DPP9: variants seen among roughly 807,000 people sequenced by gnomAD.
The protein encoded by DPP9 is dipeptidyl peptidase IV-related protein-2.
A neutral mutation model predicts 110.7 loss-of-function variants in DPP9; 50 were observed. The observed-to-expected ratio is 0.45, with a 90% CI of 0.36 to 0.57. The LOEUF (loss-of-function observed/expected upper bound fraction) is 0.57. Among genes scored for constraint, DPP9 ranks in the 20% least tolerant of loss-of-function variants. The pLI, the probability that DPP9 is intolerant of heterozygous loss-of-function variation, is 0.00. For synonymous variants in DPP9, 561 were observed against 514.4 expected, an observed-to-expected ratio of 1.09 and a Z score of -1.23; for missense variants, 1,022 against 1,217.9, an observed-to-expected ratio of 0.84 and a Z score of 2.39.
rs541918818 is a variant in DPP9 at position 4,705,227 on chromosome 19, A to G, written c.426+631T>C. Among the ~76,000 whole-genome samples, 52 of 152,214 alleles carry G rather than the reference A, an allele frequency of 3.4e-4. 2 individuals carry two copies. In the East Asian group the frequency reaches 9.4e-3, roughly 28 times the overall value. ...ATAATGTTATGTTATTTTTATTGCT[A>G]TATTGTTACTATTTTAGAGACTGGG... On this transcript the variant is annotated intron_variant, in intron 5 of 21. Coordinates refer to ENST00000262960, the MANE Select transcript of DPP9 (RefSeq NM_139159.5).
chr19:4,713,809 A>G (rs1056574524), intron 4 of DPP9, among the ~76,000 whole-genome samples: 2 of 152,154 alleles, frequency 1.3e-5, no homozygotes, highest in African/African-American at 2.4e-5. Context: ...GGCCGGCTTG[A>G]GCCACGGCAT....
Position 4,703,877 on chromosome 19 carries a change from T to C in DPP9, c.769+9A>G. ...TATGGTGGCCGTGCACAGGAGGGGC[T>C]GGCCCCACCTTGGTGGCAGAAGGTC... On this transcript the variant is annotated intron_variant, in intron 7 of 21. Transcript: ENST00000262960. The C allele has an allele frequency of 6.3e-7, 1 of 1,595,154 alleles. No individual in the cohort carries two copies. The highest frequency in any genetic ancestry group is 8.5e-7 in the Non-Finnish European group (1 of 1,171,622).
chr19:4,708,754 T>G (rs574582422), intron 4 of DPP9, among the ~76,000 whole-genome samples: 1 of 152,026 alleles, frequency 6.6e-6, no homozygotes, highest in South Asian at 2.1e-4. Flanking sequence ...CATGGACACA[T>G]AGAGCAGAAC....
chr19:4,699,554 G>A (rs948987482), intron 10 of DPP9, among the ~76,000 whole-genome samples: 1 of 152,150 alleles, frequency 6.6e-6, no homozygotes, highest in African/African-American at 2.4e-5. Context: ...GGAGGGGGCC[G>A]AGGGAGATGC....
rs73543636 is a variant in DPP9 at position 4,710,899 on chromosome 19, G to A, written c.313+3182C>T. On this transcript the variant is annotated intron_variant, in intron 4 of 21. Coordinates refer to ENST00000262960, the MANE Select transcript of DPP9 (RefSeq NM_139159.5). This position sits in a 1 kb window ranked among gnomAD's most constrained non-coding sequence, Gnocchi z 5.6. ...CTGCCAAGTTCATGCCCACTGGGGT[G>A]GGCCCTCAGCACCTCCTGTGTACTG... 3.9e-3 allele frequency among the ~76,000 whole-genome samples: 588 copies of A among 152,282 alleles called. 6 individuals are homozygous for A. Among genetic ancestry groups the A allele is most frequent in the African/African-American group, 0.013 (556 of 41,552 alleles).
chr19:4,701,469 A>AAAACAAAC (rs549165034), intron 9 of DPP9, among the ~76,000 whole-genome samples: 4 of 152,110 alleles, frequency 2.6e-5, no homozygotes, highest in African/African-American at 4.8e-5. Flanking sequence ...CCTTGTCTCA[A>AAAACAAAC]AAACAAACAA....
chr19:4,696,577 G>A (rs1399264176), intron 11 of DPP9, among the ~76,000 whole-genome samples: 1 of 151,992 alleles, frequency 6.6e-6, no homozygotes, highest in Non-Finnish European at 1.5e-5. Flanking sequence ...TGGCCAACAT[G>A]GTGAAACCCC....
Position 4,684,584 on chromosome 19 carries a change from C to T in DPP9, c.2178+79G>A, listed in dbSNP as rs1332159748. On this transcript the variant is annotated intron_variant, in intron 18 of 21. Transcript: ENST00000262960. This position sits in a 1 kb window ranked among gnomAD's most constrained non-coding sequence, Gnocchi z 4.8. The stretch of plus-strand genomic sequence containing the variant: ...CTGCGGGTGGTATTCCAGAGCCGCT[C>T]CCATGCCCTGCACCCACACGGCCCA... 1.5e-5 allele frequency: 24 copies of T among 1,554,602 alleles called. No individual in the cohort carries two copies. Among genetic ancestry groups the T allele is most frequent in the Non-Finnish European group, 2.0e-5 (23 of 1,144,388 alleles).
In DPP9 at chr19:4,694,091, T is replaced by C. The variant is rs548195021; in HGVS notation, c.1516+570A>G. Reference sequence around the variant, plus strand: ...CGCACATCACACCAGAGGCAGCACCTCTAACTGTTTCTGGAATACTGCCTC... The same window carrying C: ...CGCACATCACACCAGAGGCAGCACCCCTAACTGTTTCTGGAATACTGCCTC... On this transcript the variant is annotated intron_variant, in intron 13 of 21. Transcript: ENST00000262960. The surrounding 1 kb of genome is among the most constrained non-coding windows in gnomAD (Gnocchi z 4.0). Among the ~76,000 whole-genome samples, 42 of 151,096 alleles carry C rather than the reference T, an allele frequency of 2.8e-4. No homozygotes were observed. Among genetic ancestry groups the C allele is most frequent in the African/African-American group, 9.9e-4 (41 of 41,476 alleles).
At position 4,684,154 on chromosome 19, in the gene DPP9, T is replaced by C. The variant is rs1206281867; in HGVS notation, c.2178+509A>G. ...ATGTGAATGGGATGAGGGGCCCTTA[T>C]AAAAGGGCCTGATGGAGGGAGGCCA... is the stretch of plus-strand genomic sequence containing the variant. On this transcript the variant is annotated intron_variant, in intron 18 of 21. Coordinates refer to ENST00000262960, the MANE Select transcript of DPP9 (RefSeq NM_139159.5). This position sits in a 1 kb window ranked among gnomAD's most constrained non-coding sequence, Gnocchi z 4.8. The C allele has an allele frequency of 7.2e-6, 2 of 278,448 alleles. No individual in the cohort carries two copies. The highest frequency in any genetic ancestry group is 9.0e-5 in the East Asian group (1 of 11,130). 17.2% of individuals were successfully genotyped at this position (278,448 alleles called of 1,614,324 possible).
chr19:4,676,296 C>T lies in DPP9; in HGVS notation c.*268G>A. On this transcript the variant is annotated 3_prime_UTR_variant, in exon 22 of 22. Transcript: ENST00000262960. This position sits in a 1 kb window ranked among gnomAD's most constrained non-coding sequence, Gnocchi z 4.0. ...GCCCATCAGCGTGTGACCTCCTCCT[C>T]CCAGAAGGCGGGGAGAGGAGGGGCT... 9.9e-6 allele frequency: 5 copies of T among 504,074 alleles called. No homozygotes were observed. The highest frequency in any genetic ancestry group is 7.3e-5 in the East Asian group (2 of 27,568). 31.2% of individuals were successfully genotyped at this position (504,074 alleles called of 1,614,324 possible).
rs1460232598 is a variant in DPP9 at position 4,702,625 on chromosome 19, C to A, written c.861G>T (p.Trp287Cys). Residue 287 changes from tryptophan (W) to cysteine (C), a missense_variant, in exon 8 of 22, where the codon TGG (tryptophan) becomes TGT (cysteine). This residue lies in a region of DPP9 where 810 missense variants were observed against 920.6 expected (regional missense o/e 0.88). Transcript: ENST00000262960. ...EEFDRFTGYW[W>C]CPTASWEGSE... The stretch of plus-strand genomic sequence containing the variant: ...TACCTTCCCAGGAGGCTGTGGGGCA[C>A]CACCAGTACCCAGTGAAGCGGTCGA... The A allele has an allele frequency of 6.2e-7, 1 of 1,601,782 alleles. No homozygotes were observed.
chr19:4,682,916 C>T lies in DPP9; in HGVS notation c.2332-78G>A. 1 of 1,539,230 alleles carries T rather than the reference C, an allele frequency of 6.5e-7. No homozygotes were observed. Among genetic ancestry groups the T allele is most frequent in the African/African-American group, 1.4e-5 (1 of 73,160 alleles). On this transcript the variant is annotated intron_variant, in intron 19 of 21. Coordinates refer to ENST00000262960, the MANE Select transcript of DPP9 (RefSeq NM_139159.5). This position sits in a 1 kb window ranked among gnomAD's most constrained non-coding sequence, Gnocchi z 7.1. ...CGGGTCCTACAGCCAGCATCAGCCG[C>T]TGTCCCGGGGCCGCCCTGGAGCCCG...
chr19:4,689,037 G>T lies in DPP9; in HGVS notation c.1750-145C>A. The stretch of plus-strand genomic sequence containing the variant: ...GTCATGAAACCTCAAAGCTCCACCC[G>T]CTGCTGCAAGGGGGGCACCACTGCC... On this transcript the variant is annotated intron_variant, in intron 15 of 21. Transcript: ENST00000262960. The surrounding 1 kb of genome is among the most constrained non-coding windows in gnomAD (Gnocchi z 7.0). 1.1e-6 allele frequency: 1 copy of T among 932,558 alleles called. No homozygotes were observed. The highest frequency in any genetic ancestry group is 1.4e-6 in the Non-Finnish European group (1 of 728,646). The allele number at this position is 932,558 out of a possible 1,614,324, so 57.8% of individuals were successfully genotyped here.
At chr19:4,690,850 G>A in intron 14 of DPP9, 28 bp downstream of exon 14, 1 of 1,587,262 alleles carries the variant, frequency 6.3e-7, no homozygotes, top group Non-Finnish European at 8.6e-7. Context: ...GCATGGAGCA[G>A]GGGAAGGCTG....
chr19:4,689,477 G>T lies in DPP9; in HGVS notation c.1749+93C>A. ...TATGAGAATGCGAGACCATGAGAATGACCCTGAGTGCTGTGCCGGGCCATG... is the reference window on the plus strand; with the variant it reads ...TATGAGAATGCGAGACCATGAGAATTACCCTGAGTGCTGTGCCGGGCCATG... On this transcript the variant is annotated intron_variant, in intron 15 of 21. Coordinates refer to ENST00000262960, the MANE Select transcript of DPP9 (RefSeq NM_139159.5). This position sits in a 1 kb window ranked among gnomAD's most constrained non-coding sequence, Gnocchi z 7.0. 1.4e-6 allele frequency: 2 copies of T among 1,441,318 alleles called. No homozygotes were observed. The highest frequency in any genetic ancestry group is 2.6e-5 in the South Asian group (2 of 76,804). The allele number at this position is 1,441,318 out of a possible 1,614,324, so 89.3% of individuals were successfully genotyped here.
At chr19:4,691,111 C>T (rs1289557952) in intron 13 of DPP9, among the ~76,000 whole-genome samples, 154 bp from the exon 14 acceptor site, 1 of 152,210 alleles carries the variant, frequency 6.6e-6, no homozygotes, top group Non-Finnish European at 1.5e-5. Flanking sequence ...GCCACTGCGT[C>T]AGACCTGCCA....
rs549658688 is a variant in DPP9 at position 4,700,675 on chromosome 19, C to T, written c.1013-398G>A. 2.5e-4 allele frequency among the ~76,000 whole-genome samples: 38 copies of T among 152,290 alleles called. No individual in the cohort carries two copies. The highest frequency in any genetic ancestry group is 6.3e-4 in the African/African-American group (26 of 41,568). ...CGAGGCATCACAGTAAAACTGACAA[C>T]GTGACAAGTGGGGTGTGTCCCATGC... On this transcript the variant is annotated intron_variant, in intron 9 of 21. Coordinates refer to ENST00000262960, the MANE Select transcript of DPP9 (RefSeq NM_139159.5). The surrounding 1 kb of genome is among the most constrained non-coding windows in gnomAD (Gnocchi z 4.3).
In DPP9 at chr19:4,695,375, T is replaced by C. The variant is rs774154530; in HGVS notation, c.1353+3A>G. On this transcript the variant is annotated splice_donor_region_variant and intron_variant, in intron 12 of 21. Coordinates refer to ENST00000262960, the MANE Select transcript of DPP9 (RefSeq NM_139159.5). This position sits in a 1 kb window ranked among gnomAD's most constrained non-coding sequence, Gnocchi z 4.7. ...GCATACAGCCAGCGCTTGCCCCGCT[T>C]ACATTGATCCAGACGTTGGTGACCT... The C allele has an allele frequency of 7.7e-6, 12 of 1,565,560 alleles. 1 individual carries two copies. The highest frequency in any genetic ancestry group is 5.9e-5 in the South Asian group (5 of 85,084).
Sources: allele counts gnomAD v4.1 joint callset (sites outside exome capture counted in the v4.1 genomes callset), GRCh38; gene constraint gnomAD v4.1.1; regional missense constraint gnomAD v4.1.1; non-coding constraint Gnocchi (gnomAD v3.1); transcripts MANE v1.5; gene names NCBI Gene and HGNC (gene_info 2026-07-23, HGNC 2026-07-21).